The following CGNL1 variants were observed in gnomAD, a reference collection of about 807,000 sequenced individuals.
The protein encoded by CGNL1 is cingulin like 1, also known as cingulin-like protein 1.
In CGNL1, 132 loss-of-function variants were observed where a neutral mutation model predicts 141.2. That is an observed-to-expected ratio of 0.93 (90% CI 0.81 to 1.08). The LOEUF (loss-of-function observed/expected upper bound fraction) is 1.08, where lower values mean the gene tolerates loss of function less well. CGNL1 is among the 50% of genes least tolerant of loss of function. The pLI is 0.00. For missense variants in CGNL1, 1,870 were observed against 1,588.6 expected (o/e 1.18, Z -3.01); for synonymous variants, 690 against 622.1 (o/e 1.11, Z -1.63).
intron 4 of CGNL1, among the ~76,000 whole-genome samples, chr15:57,449,372 T>C (rs1229229943): frequency 1.3e-5 from 2 of 152,234 alleles, no homozygotes; most frequent in African/African-American, 4.8e-5. Flanking sequence ...GTTGCCACTC[T>C]GGACACTTTT....
chr15:57,383,187 G>A (rs2062442141), intron 1 of CGNL1, among the ~76,000 whole-genome samples: 2 of 152,078 alleles, frequency 1.3e-5, no homozygotes, highest in African/African-American at 4.8e-5. Flanking sequence ...TTTAGGTGCT[G>A]GAGAGGACCT....
At chr15:57,471,334 G>A (rs1210890086) in intron 8 of CGNL1, among the ~76,000 whole-genome samples, 1 of 152,204 alleles carries the variant, frequency 6.6e-6, no homozygotes, top group African/African-American at 2.4e-5. Context: ...AAGAACTGAT[G>A]GAGAATTCCA....
At chr15:57,471,588 C>A (rs1362947245) in intron 8 of CGNL1, among the ~76,000 whole-genome samples, 1 of 152,222 alleles carries the variant, frequency 6.6e-6, no homozygotes, top group Admixed American at 6.5e-5. Flanking sequence ...GGAAGCACAG[C>A]TGAGGAGCTT....
At chr15:57,418,433 G>T (rs1330660290) in intron 1 of CGNL1, among the ~76,000 whole-genome samples, 3 of 151,996 alleles carry the variant, frequency 2.0e-5, no homozygotes, top group Non-Finnish European at 4.4e-5. Flanking sequence ...AATCAGTTCG[G>T]TTTTTCATCC....
chr15:57,509,476 G>T (rs2030034346), intron 8 of CGNL1, among the ~76,000 whole-genome samples: 1 of 152,230 alleles, frequency 6.6e-6, no homozygotes, highest in African/African-American at 2.4e-5. Context: ...TGTCCATCAG[G>T]AGCGAGCCTG....
intron 8 of CGNL1, among the ~76,000 whole-genome samples, chr15:57,516,449 G>C (rs1019998176): frequency 2.6e-5 from 4 of 152,208 alleles, no homozygotes; most frequent in African/African-American, 9.6e-5. Context: ...CTTTTTCTAT[G>C]AAGAGCCAGA....
chr15:57,445,944 C>G (rs1444741419), intron 4 of CGNL1, among the ~76,000 whole-genome samples: 1 of 152,214 alleles, frequency 6.6e-6, no homozygotes, highest in East Asian at 1.9e-4. Flanking sequence ...TCTCTTCAAT[C>G]AGATCCCTCT....
intron 1 of CGNL1, among the ~76,000 whole-genome samples, chr15:57,404,264 G>A (rs1197244293): frequency 2.0e-5 from 3 of 152,150 alleles, no homozygotes; most frequent in African/African-American, 7.2e-5. Context: ...AAACATCAGG[G>A]CAAATTTTTC....
intron 12 of CGNL1, among the ~76,000 whole-genome samples, chr15:57,526,871 G>A (rs1220189888): frequency 4.6e-5 from 7 of 152,096 alleles, no homozygotes; most frequent in African/African-American, 1.2e-4. Flanking sequence ...AGGAGGGCAC[G>A]CTGGGCATTG....
At chr15:57,498,704 G>T (rs1195438781) in intron 8 of CGNL1, among the ~76,000 whole-genome samples, 1 of 152,136 alleles carries the variant, frequency 6.6e-6, no homozygotes, top group African/African-American at 2.4e-5. Flanking sequence ...GAGGAGAGGG[G>T]CTAGGATTTG....
chr15:57,472,400 A>C (rs2063593558), intron 8 of CGNL1, among the ~76,000 whole-genome samples: 1 of 152,136 alleles, frequency 6.6e-6, no homozygotes, highest in Non-Finnish European at 1.5e-5. Context: ...GAGCATCCGA[A>C]GGACAGATTT....
chr15:57,459,043 A>G (rs1255044779), intron 7 of CGNL1, among the ~76,000 whole-genome samples: 9 of 152,178 alleles, frequency 5.9e-5, no homozygotes, highest in Admixed American at 5.9e-4. Context: ...TAAATCAATA[A>G]AATGTTTCTT....
intron 1 of CGNL1, among the ~76,000 whole-genome samples, chr15:57,423,273 C>G (rs527560607): frequency 6.6e-6 from 1 of 152,216 alleles, no homozygotes; most frequent in African/African-American, 2.4e-5. Context: ...AGGTAATGGT[C>G]CTGCTCAGAA....
intron 7 of CGNL1, among the ~76,000 whole-genome samples, chr15:57,459,066 A>T (rs1338776495): frequency 6.6e-6 from 1 of 152,314 alleles, no homozygotes; most frequent in East Asian, 1.9e-4. Context: ...CTCATCAGAG[A>T]CACAATTCTG....
intron 1 of CGNL1, among the ~76,000 whole-genome samples, chr15:57,391,981 C>CT (rs1555429678): frequency 6.6e-6 from 1 of 151,096 alleles, no homozygotes; most frequent in Non-Finnish European, 1.5e-5. Context: ...TTTCCCCCCC[C>CT]TCACCTGACA....
At chr15:57,395,892 T>C (rs1243262384) in intron 1 of CGNL1, among the ~76,000 whole-genome samples, 2 of 152,242 alleles carry the variant, frequency 1.3e-5, no homozygotes, top group Non-Finnish European at 2.9e-5. Context: ...TAAATTATAA[T>C]GTACAGAATC....
intron 8 of CGNL1, among the ~76,000 whole-genome samples, chr15:57,488,060 C>T (rs553254932): frequency 6.6e-6 from 1 of 152,282 alleles, no homozygotes; most frequent in South Asian, 2.1e-4. Context: ...CTCTCCCACA[C>T]TTGTTATTAT....
intron 8 of CGNL1, among the ~76,000 whole-genome samples, chr15:57,467,377 G>A (rs2063522581): frequency 1.3e-5 from 2 of 152,286 alleles, no homozygotes; most frequent in East Asian, 3.9e-4. Context: ...GTTTGGGCAT[G>A]CGGGCTGAGG....
At position 57,508,199 on chromosome 15, in the gene CGNL1, C is replaced by CCA. The variant is rs1464431740; in HGVS notation, c.2404-8570_2404-8569dup. ...TGTGCCCCTCCACCCTCCCCCCGCC[C>CCA]CACACACACACAAACAAAAAGAGCT... On this transcript the variant is annotated intron_variant, in intron 8 of 18. Coordinates refer to ENST00000281282, the MANE Select transcript of CGNL1 (RefSeq NM_032866.5). 1.7e-4 allele frequency among the ~76,000 whole-genome samples: 23 copies of CCA among 135,012 alleles called. 1 individual carries two copies. The highest frequency in any genetic ancestry group is 5.8e-4 in the South Asian group (2 of 3,452). 88.6% of individuals were successfully genotyped at this position (135,012 alleles called of 152,430 possible).
Sources: gnomAD v4.1 joint callset for allele counts (sites outside exome capture counted in the v4.1 genomes callset) on GRCh38, gnomAD v4.1.1 for gene constraint, MANE v1.5 for transcripts, NCBI Gene and HGNC (gene_info 2026-07-23, HGNC 2026-07-21) for gene names.